Variants in TSHZ2 observed in about 807,000 individuals in gnomAD.
TSHZ2 encodes teashirt homolog 2.
In TSHZ2, 21 loss-of-function variants were observed where a neutral mutation model predicts 74.4. The ratio of observed to expected loss-of-function variants is 0.28; its 90% CI spans 0.20 to 0.41. The LOEUF (loss-of-function observed/expected upper bound fraction) is 0.41. Ranked by LOEUF, TSHZ2 falls within the 10% of genes least tolerant of loss-of-function variation. TSHZ2 has a pLI of 1.00. For missense variants in TSHZ2, 1,244 were observed against 1,293.5 expected (o/e 0.96, Z 0.59); for synonymous variants, 540 against 515.3 (o/e 1.05, Z -0.65).
chr20:53,408,396 C>T (rs943076295), intron 2 of TSHZ2, among the ~76,000 whole-genome samples: 6 of 152,112 alleles, frequency 3.9e-5, no homozygotes, highest in Non-Finnish European at 8.8e-5. Context: ...TCTCTAATAT[C>T]GTTAATGCAT....
intron 2 of TSHZ2, among the ~76,000 whole-genome samples, chr20:53,357,219 A>G (rs1469822773): frequency 6.6e-6 from 1 of 152,258 alleles, no homozygotes; most frequent in Non-Finnish European, 1.5e-5. Context: ...AATATTCTGC[A>G]TGCAATAATT....
chr20:53,370,259 A>G (rs1981419421), intron 2 of TSHZ2, among the ~76,000 whole-genome samples: 4 of 152,186 alleles, frequency 2.6e-5, no homozygotes, highest in Admixed American at 2.6e-4. Context: ...AGGAAAGCCA[A>G]GGAGTCAGGC....
At chr20:52,996,188 G>A (rs13043847) in intron 1 of TSHZ2, among the ~76,000 whole-genome samples, 2 of 152,030 alleles carry the variant, frequency 1.3e-5, no homozygotes, top group Non-Finnish European at 2.9e-5. Flanking sequence ...AATGGAAGTG[G>A]GGTAAAATAT....
chr20:53,311,345 A>G (rs1455798932), intron 2 of TSHZ2, among the ~76,000 whole-genome samples: 19 of 152,254 alleles, frequency 1.2e-4, no homozygotes, highest in Admixed American at 1.2e-3. Context: ...GAATCTGGGC[A>G]TTCAAACCAT....
intron 2 of TSHZ2, among the ~76,000 whole-genome samples, chr20:53,314,210 C>A (rs974376597): frequency 1.3e-5 from 2 of 151,700 alleles, no homozygotes; most frequent in African/African-American, 4.8e-5. Flanking sequence ...ATCGCTTGAA[C>A]CTGGGAGGCG....
chr20:53,438,264 G>A (rs755128783), intron 2 of TSHZ2, among the ~76,000 whole-genome samples: 13 of 151,596 alleles, frequency 8.6e-5, no homozygotes, highest in South Asian at 2.1e-4. Flanking sequence ...TGCCCGCCAC[G>A]ACACCCCGCT....
intron 1 of TSHZ2, among the ~76,000 whole-genome samples, chr20:53,211,583 G>C (rs547766623): frequency 1.3e-5 from 2 of 151,964 alleles, no homozygotes; most frequent in Admixed American, 1.3e-4. Context: ...CCACACAGTC[G>C]CTCCTACCTG....
intron 2 of TSHZ2, among the ~76,000 whole-genome samples, chr20:53,414,278 C>A (rs904232620): frequency 6.6e-6 from 1 of 152,076 alleles, no homozygotes; most frequent in African/African-American, 2.4e-5. Context: ...TGACTTTTTA[C>A]TAAGTTCTTG....
At chr20:53,486,874 C>T (rs994094219) in intron 2 of TSHZ2, among the ~76,000 whole-genome samples, 4 of 152,064 alleles carry the variant, frequency 2.6e-5, no homozygotes, top group Non-Finnish European at 2.9e-5. Context: ...TAGACCCTAG[C>T]GTCTGTTGTT....
chr20:53,094,275 C>T (rs554268433), intron 1 of TSHZ2, among the ~76,000 whole-genome samples: 9 of 152,304 alleles, frequency 5.9e-5, no homozygotes, highest in South Asian at 2.1e-4. Flanking sequence ...ATGTTTGATA[C>T]GCTAGTTATG....
rs533659304 is a variant in TSHZ2 at position 53,033,465 on chromosome 20, C to CCA, written c.40+60135_40+60136dup. On this transcript the variant is annotated intron_variant, in intron 1 of 2. Coordinates refer to ENST00000371497, the MANE Select transcript of TSHZ2 (RefSeq NM_173485.6). ...AAGCAAGTCACTTAATCACTCTGGG[C>CCA]CACAGTATCTTCATCATTAAATTGA... Among the ~76,000 whole-genome samples, 469 of 152,174 alleles carry CCA rather than the reference C, an allele frequency of 3.1e-3. 1 individual carries two copies. The highest frequency in any genetic ancestry group is 5.0e-3 in the Non-Finnish European group (338 of 68,014).
At chr20:53,473,590 C>T (rs200284836) in intron 2 of TSHZ2, among the ~76,000 whole-genome samples, 5 of 139,976 alleles carry the variant, frequency 3.6e-5, no homozygotes, top group African/African-American at 8.2e-5. Flanking sequence ...AACTCTAAAA[C>T]GCAGAGCGCC....
At chr20:53,338,971 C>T (rs1250342816) in intron 2 of TSHZ2, among the ~76,000 whole-genome samples, 3 of 152,304 alleles carry the variant, frequency 2.0e-5, no homozygotes, top group Admixed American at 6.5e-5. Flanking sequence ...AAAGCACAGA[C>T]GTGTTGGCCA....
intron 2 of TSHZ2, among the ~76,000 whole-genome samples, chr20:53,260,826 G>A (rs1418373559): frequency 6.6e-6 from 1 of 152,188 alleles, no homozygotes; most frequent in Non-Finnish European, 1.5e-5. Context: ...CTCTTACCAT[G>A]CTCTGTAGCC....
chr20:53,459,891 T>A (rs1985278022), intron 2 of TSHZ2, among the ~76,000 whole-genome samples: 1 of 152,162 alleles, frequency 6.6e-6, no homozygotes, highest in Admixed American at 6.6e-5. Context: ...TGGCCCCCAC[T>A]CTTTCTGGCT....
At chr20:53,050,538 G>T (rs1404323875) in intron 1 of TSHZ2, among the ~76,000 whole-genome samples, 1 of 152,322 alleles carries the variant, frequency 6.6e-6, no homozygotes, top group East Asian at 1.9e-4. Flanking sequence ...CCCGCACGGG[G>T]CTGTGAGTCT....
At chr20:53,226,118 T>A (rs1370216891) in intron 1 of TSHZ2, among the ~76,000 whole-genome samples, 2 of 118,588 alleles carry the variant, frequency 1.7e-5, no homozygotes, top group East Asian at 2.5e-4. Flanking sequence ...AGACTAAATT[T>A]AACACACACA....
chr20:52,973,220 G>A lies in TSHZ2; in HGVS notation c.-74G>A. Reference sequence around the variant, plus strand: ...CAAGAGGCGGAGGAGACCCAGAGAGGCCAGAGAGACAGCGGGCCCCAGCGC... The same window carrying A: ...CAAGAGGCGGAGGAGACCCAGAGAGACCAGAGAGACAGCGGGCCCCAGCGC... On this transcript the variant is annotated 5_prime_UTR_variant, in exon 1 of 3. Coordinates refer to ENST00000371497, the MANE Select transcript of TSHZ2 (RefSeq NM_173485.6). 1.3e-6 allele frequency: 2 copies of A among 1,545,748 alleles called. No individual in the cohort carries two copies. The highest frequency in any genetic ancestry group is 1.8e-6 in the Non-Finnish European group (2 of 1,142,056).
intron 1 of TSHZ2, among the ~76,000 whole-genome samples, chr20:53,192,168 C>G (rs1385053975): frequency 2.0e-5 from 3 of 151,908 alleles, no homozygotes; most frequent in Non-Finnish European, 4.4e-5. Flanking sequence ...GAAAGTCACA[C>G]AGCTAATAAG....
Sources: allele counts gnomAD v4.1 joint callset (sites outside exome capture counted in the v4.1 genomes callset), GRCh38; gene constraint gnomAD v4.1.1; transcripts MANE v1.5; gene names NCBI Gene and HGNC (gene_info 2026-07-23, HGNC 2026-07-21).